ROBO2: variants seen among roughly 807,000 people sequenced by gnomAD.
ROBO2 encodes roundabout guidance receptor 2.
A neutral mutation model predicts 160.8 loss-of-function variants in ROBO2; 53 were observed. That is an observed-to-expected ratio of 0.33 (90% CI 0.26 to 0.41). ROBO2 has a LOEUF of 0.41. Among genes scored for constraint, ROBO2 ranks in the 10% least tolerant of loss-of-function variants. The probability of loss-of-function intolerance (pLI) is 1.00; values close to 1 mark genes in which losing one functional copy is unlikely to be tolerated. For missense variants in ROBO2, 1,577 were observed against 1,722.4 expected (o/e 0.92, Z 1.49); for synonymous variants, 664 against 611.7 (o/e 1.09, Z -1.26).
At chr3:76,968,101 CTTGAATAAGTTTCTCA>C (rs1376580735) in intron 2 of ROBO2, among the ~76,000 whole-genome samples, 2 of 152,056 alleles carry the variant, frequency 1.3e-5, no homozygotes, top group African/African-American at 4.8e-5. Context: ...ACCTGAATAT[CTTGAATAAGTTTCTCA>C]TTGCACTCAA....
At chr3:76,275,546 G>A (rs1464119433) in intron 2 of ROBO2, among the ~76,000 whole-genome samples, 2 of 152,130 alleles carry the variant, frequency 1.3e-5, no homozygotes, top group Non-Finnish European at 2.9e-5. Context: ...TACACAGAAT[G>A]AGAAATTTGG....
intron 2 of ROBO2, among the ~76,000 whole-genome samples, chr3:76,634,455 C>T (rs2090200094): frequency 6.6e-6 from 1 of 152,058 alleles, no homozygotes; most frequent in Non-Finnish European, 1.5e-5. Context: ...GTAATCCCAG[C>T]TACTCAGGAG....
intron 2 of ROBO2, among the ~76,000 whole-genome samples, chr3:76,560,266 C>T (rs190722700): frequency 1.4e-4 from 21 of 151,976 alleles, no homozygotes; most frequent in African/African-American, 4.8e-4. Context: ...ATAAAGTAGC[C>T]GTCATAAGAA....
chr3:76,593,096 A>G (rs2086518761), intron 2 of ROBO2, among the ~76,000 whole-genome samples: 1 of 152,114 alleles, frequency 6.6e-6, no homozygotes, highest in Non-Finnish European at 1.5e-5. Flanking sequence ...ACATATATTT[A>G]TTGTGAAACT....
At chr3:77,268,103 C>G (rs947832681) in intron 2 of ROBO2, among the ~76,000 whole-genome samples, 1 of 152,120 alleles carries the variant, frequency 6.6e-6, no homozygotes, top group Non-Finnish European at 1.5e-5. Context: ...TGAATTCTAT[C>G]GTTATATTCT....
chr3:76,049,342 C>T (rs963270620), intron 2 of ROBO2, among the ~76,000 whole-genome samples: 15 of 145,070 alleles, frequency 1.0e-4, no homozygotes, highest in African/African-American at 3.7e-4. Context: ...TCTGGAGTAG[C>T]TGAGACCACA....
At chr3:77,469,151 G>A (rs1261695581) in intron 2 of ROBO2, among the ~76,000 whole-genome samples, 1 of 152,172 alleles carries the variant, frequency 6.6e-6, no homozygotes, top group Non-Finnish European at 1.5e-5. Flanking sequence ...TGCGATGTCA[G>A]TGGGGAGCTT....
intron 2 of ROBO2, among the ~76,000 whole-genome samples, chr3:76,625,759 G>T (rs573372124): frequency 6.6e-4 from 100 of 152,296 alleles, no homozygotes; most frequent in African/African-American, 2.3e-3. Context: ...GCGCAACGTT[G>T]TGGGGGAAAA....
In ROBO2 at chr3:75,988,917, A is replaced by G. The variant is rs1431919295; in HGVS notation, c.109+51315A>G. Among the ~76,000 whole-genome samples the G allele has an allele frequency of 2.0e-5, 3 of 151,460 alleles. No homozygotes were observed. In the East Asian group the frequency reaches 5.8e-4, roughly 29 times the overall value. On this transcript the variant is annotated intron_variant, in intron 2 of 26. Transcript: ENST00000487694. ...TCAGTTCTATTTTAACTTAAATATT[A>G]TGAAAATTATTACTATTAATATAAG...
In ROBO2 at chr3:76,418,078, T is replaced by A. The variant is rs185099871; in HGVS notation, c.109+480476T>A. The stretch of plus-strand genomic sequence containing the variant: ...TGCTTAAATTGTAAACAGGCAAAAC[T>A]TAACTTGACCTATTTCTTATAAATG... On this transcript the variant is annotated intron_variant, in intron 2 of 26. Coordinates refer to the ROBO2 transcript ENST00000487694. 1.6e-3 allele frequency among the ~76,000 whole-genome samples: 249 copies of A among 151,946 alleles called. 1 individual carries two copies. The highest frequency in any genetic ancestry group is 5.7e-3 in the African/African-American group (237 of 41,464).
At chr3:77,429,218 ATC>A (rs1164270056) in intron 2 of ROBO2, among the ~76,000 whole-genome samples, 2 of 152,130 alleles carry the variant, frequency 1.3e-5, no homozygotes, top group Non-Finnish European at 2.9e-5. Context: ...CACAAATTCA[ATC>A]TCTGCATTAC....
At chr3:76,321,893 T>C (rs1282093358) in intron 2 of ROBO2, among the ~76,000 whole-genome samples, 1 of 152,042 alleles carries the variant, frequency 6.6e-6, no homozygotes, top group African/African-American at 2.4e-5. Context: ...GGAGTACTTT[T>C]CCCTCATTAC....
intron 2 of ROBO2, among the ~76,000 whole-genome samples, chr3:77,202,974 A>G (rs902646785): frequency 4.6e-5 from 7 of 152,228 alleles, no homozygotes; most frequent in African/African-American, 1.7e-4. Flanking sequence ...TTTAGCATGT[A>G]GGAAAACATA....
chr3:77,319,833 T>C (rs780756702), intron 2 of ROBO2, among the ~76,000 whole-genome samples: 10 of 152,164 alleles, frequency 6.6e-5, no homozygotes, highest in Admixed American at 2.0e-4. Context: ...ACTTAGAAAC[T>C]CTGTTGAGAA....
At chr3:76,682,432 G>T (rs763098374) in intron 2 of ROBO2, among the ~76,000 whole-genome samples, 1 of 118,622 alleles carries the variant, frequency 8.4e-6, no homozygotes, top group African/African-American at 3.5e-5. Context: ...CTTTTGAGAC[G>T]GAGTCTTGCT....
At chr3:76,225,586 G>A (rs1480529787) in intron 2 of ROBO2, among the ~76,000 whole-genome samples, 1 of 152,058 alleles carries the variant, frequency 6.6e-6, no homozygotes, top group East Asian at 1.9e-4. Context: ...ATGGCAGCAT[G>A]TGCCTGTAAT....
At chr3:75,985,723 A>G (rs568424263) in intron 2 of ROBO2, among the ~76,000 whole-genome samples, 1 of 151,584 alleles carries the variant, frequency 6.6e-6, no homozygotes, top group Non-Finnish European at 1.5e-5. Flanking sequence ...TAATCAATAT[A>G]TATCTCTAGA....
intron 2 of ROBO2, among the ~76,000 whole-genome samples, chr3:76,129,700 A>G (rs1360005448): frequency 6.6e-6 from 1 of 151,860 alleles, no homozygotes; most frequent in Non-Finnish European, 1.5e-5. Context: ...GAGAAGTGGA[A>G]CCTAAAACAT....
At chr3:77,053,435 A>T (rs1338696488) in intron 1 of ROBO2, among the ~76,000 whole-genome samples, 1 of 152,130 alleles carries the variant, frequency 6.6e-6, no homozygotes. Flanking sequence ...AACAAACAAC[A>T]TGTTAAAGAC....
Sources: gnomAD v4.1 joint callset for allele counts (sites outside exome capture counted in the v4.1 genomes callset) on GRCh38, gnomAD v4.1.1 for gene constraint, MANE v1.5 for transcripts, NCBI Gene and HGNC (gene_info 2026-07-23, HGNC 2026-07-21) for gene names.